Variants in ADGRB3 observed in about 807,000 individuals in gnomAD.
ADGRB3 encodes adhesion G protein-coupled receptor B3.
A neutral mutation model predicts 193.4 loss-of-function variants in ADGRB3; 37 were observed. The ratio of observed to expected loss-of-function variants is 0.19; its 90% CI spans 0.15 to 0.25. The LOEUF is 0.25. ADGRB3 is among the 10% of genes least tolerant of loss of function. ADGRB3 has a pLI of 1.00. For missense variants in ADGRB3, 1,637 were observed against 1,852.9 expected, an observed-to-expected ratio of 0.88 and a Z score of 2.14; for synonymous variants, 690 against 644.2, an observed-to-expected ratio of 1.07 and a Z score of -1.08.
intron 3 of ADGRB3, among the ~76,000 whole-genome samples, chr6:68,788,318 A>T (rs199581451): frequency 1.3e-5 from 2 of 151,682 alleles, no homozygotes; most frequent in East Asian, 1.9e-4. Context: ...TTCTTCACAC[A>T]GCTTTGAATG....
chr6:69,119,594 T>C (rs1460067568), intron 17 of ADGRB3, among the ~76,000 whole-genome samples: 9 of 22,436 alleles, frequency 4.0e-4, no homozygotes, highest in Admixed American at 7.8e-4. Flanking sequence ...CTTTTGTTTT[T>C]GTGTGTGTGT....
At chr6:68,856,104 T>A (rs1191542685) in intron 3 of ADGRB3, among the ~76,000 whole-genome samples, 1 of 152,218 alleles carries the variant, frequency 6.6e-6, no homozygotes, top group Non-Finnish European at 1.5e-5. Context: ...GACTTGCTCC[T>A]CCTTGCCTTC....
At chr6:69,055,316 A>G (rs524359) in intron 15 of ADGRB3, among the ~76,000 whole-genome samples, 74,846 of 151,950 alleles carry the variant, frequency 0.49, 20,576 homozygotes, top group East Asian at 0.96. Flanking sequence ...ACCCTTAGCA[A>G]CTATCATTCT....
chr6:69,281,120 T>G (rs1022062513), intron 20 of ADGRB3, among the ~76,000 whole-genome samples: 2 of 152,126 alleles, frequency 1.3e-5, no homozygotes, highest in African/African-American at 4.8e-5. Flanking sequence ...AGAACAACTT[T>G]GTTTGGTAAT....
chr6:68,790,843 CAG>C (rs1767091736), intron 3 of ADGRB3, among the ~76,000 whole-genome samples: 1 of 152,112 alleles, frequency 6.6e-6, no homozygotes, highest in African/African-American at 2.4e-5. Flanking sequence ...GGGAAAAAAA[CAG>C]AGCAGAAAAA....
At chr6:69,343,140 TA>T (rs201328675) in intron 26 of ADGRB3, among the ~76,000 whole-genome samples, 6 of 98,486 alleles carry the variant, frequency 6.1e-5, no homozygotes, top group African/African-American at 2.8e-4. Flanking sequence ...TAATTTATTT[TA>T]TTTTTTTTAT....
At chr6:68,848,447 A>G (rs1222712155) in intron 3 of ADGRB3, among the ~76,000 whole-genome samples, 2 of 152,074 alleles carry the variant, frequency 1.3e-5, no homozygotes. Context: ...TTCATTTAAA[A>G]TGAGCTTTTA....
chr6:69,037,114 G>C (rs916152017), intron 13 of ADGRB3, among the ~76,000 whole-genome samples: 8 of 152,110 alleles, frequency 5.3e-5, no homozygotes, highest in Non-Finnish European at 8.8e-5. Flanking sequence ...ATGTTGATGG[G>C]TGGGTTGTAG....
At chr6:69,004,855 ATG>A (rs1366968856) in intron 11 of ADGRB3, among the ~76,000 whole-genome samples, 2 of 152,100 alleles carry the variant, frequency 1.3e-5, no homozygotes, top group Non-Finnish European at 2.9e-5. Context: ...TTGAAGGACT[ATG>A]AGAATTTTCT....
chr6:68,894,192 A>T (rs1205745541), intron 3 of ADGRB3, among the ~76,000 whole-genome samples: 1 of 151,974 alleles, frequency 6.6e-6, no homozygotes, highest in African/African-American at 2.4e-5. Context: ...GGCACATGGT[A>T]TCTATTGAAT....
At chr6:68,793,486 A>T (rs939644220) in intron 3 of ADGRB3, among the ~76,000 whole-genome samples, 2 of 152,056 alleles carry the variant, frequency 1.3e-5, no homozygotes, top group African/African-American at 2.4e-5. Context: ...TGTTTTTATG[A>T]CATTCATAAT....
At chr6:69,139,497 G>A in intron 17 of ADGRB3, among the ~76,000 whole-genome samples, 1 of 152,054 alleles carries the variant, frequency 6.6e-6, no homozygotes, top group East Asian at 1.9e-4. Flanking sequence ...TGTGAGGAAT[G>A]GTTTATGTTT....
intron 17 of ADGRB3, among the ~76,000 whole-genome samples, chr6:69,228,753 T>C (rs1276415468): frequency 1.3e-5 from 2 of 152,240 alleles, no homozygotes; most frequent in Admixed American, 6.5e-5. Context: ...TATAATTTCA[T>C]AGGACATGTT....
intron 13 of ADGRB3, among the ~76,000 whole-genome samples, chr6:69,031,742 C>A (rs1770716473): frequency 6.6e-6 from 1 of 151,490 alleles, no homozygotes; most frequent in Non-Finnish European, 1.5e-5. Flanking sequence ...TCAAGTGATA[C>A]TCCTGCCTCA....
intron 10 of ADGRB3, among the ~76,000 whole-genome samples, chr6:68,993,414 A>G (rs1367232673): frequency 1.3e-5 from 2 of 152,146 alleles, no homozygotes; most frequent in East Asian, 3.9e-4. Context: ...CTCTGATCAC[A>G]CCTTACTAAA....
intron 3 of ADGRB3, among the ~76,000 whole-genome samples, chr6:68,779,920 T>C (rs1582194969): frequency 2.0e-5 from 3 of 152,244 alleles, no homozygotes; most frequent in African/African-American, 4.8e-5. Context: ...AAACACTTTT[T>C]TTATCCTACA....
At chr6:68,760,460 T>TCTCACTC (rs1766376586) in intron 3 of ADGRB3, among the ~76,000 whole-genome samples, 1 of 152,182 alleles carries the variant, frequency 6.6e-6, no homozygotes, top group Admixed American at 6.6e-5. Context: ...GATAAGTAAT[T>TCTCACTC]CATAAAGTAT....
chr6:69,018,901 T>C (rs1006567835), intron 13 of ADGRB3, among the ~76,000 whole-genome samples: 20 of 152,142 alleles, frequency 1.3e-4, no homozygotes, highest in South Asian at 1.0e-3. Context: ...TACATTGTTC[T>C]TGAGGATGCC....
intron 3 of ADGRB3, among the ~76,000 whole-genome samples, chr6:68,834,790 A>G (rs1028342626): frequency 6.6e-6 from 1 of 152,182 alleles, no homozygotes; most frequent in African/African-American, 2.4e-5. Context: ...AGAAAGTACG[A>G]GGATCATGAC....
Sources: allele counts gnomAD v4.1 joint callset (sites outside exome capture counted in the v4.1 genomes callset), GRCh38; gene constraint gnomAD v4.1.1; transcripts MANE v1.5; gene names NCBI Gene and HGNC (gene_info 2026-07-23, HGNC 2026-07-21).